ERG: variants seen among roughly 807,000 people sequenced by gnomAD.
The protein encoded by ERG is ETS transcription factor ERG, also known as transcriptional regulator ERG.
Under a neutral mutation model 55.3 loss-of-function variants are expected in ERG, and 9 were observed. The ratio of observed to expected loss-of-function variants is 0.16; its 90% CI spans 0.10 to 0.28. The LOEUF (loss-of-function observed/expected upper bound fraction) is 0.28. ERG is among the 10% of genes least tolerant of loss of function. The pLI is 1.00. For missense variants in ERG, 434 were observed against 631.6 expected (o/e 0.69, Z 3.35); for synonymous variants, 223 against 237.3 (o/e 0.94, Z 0.55).
At chr21:38,406,904 G>C (rs116371868) in intron 3 of ERG, among the ~76,000 whole-genome samples, 1 of 152,202 alleles carries the variant, frequency 6.6e-6, no homozygotes, top group East Asian at 1.9e-4. Context: ...TTTCCTTTAA[G>C]GGAATCAGGT....
At chr21:38,594,286 C>T (rs1322068293) in intron 1 of ERG, among the ~76,000 whole-genome samples, 1 of 152,118 alleles carries the variant, frequency 6.6e-6, no homozygotes, top group Non-Finnish European at 1.5e-5. Context: ...AAAAATCATC[C>T]TTCATATTTA....
At chr21:38,534,736 T>C (rs1021048700) in intron 2 of ERG, among the ~76,000 whole-genome samples, 1 of 152,074 alleles carries the variant, frequency 6.6e-6, no homozygotes, top group Non-Finnish European at 1.5e-5. Context: ...TTCAAAAAAA[T>C]TTAAAGCAGG....
At chr21:38,441,449 C>A (rs1172863442) in intron 2 of ERG, among the ~76,000 whole-genome samples, 1 of 152,200 alleles carries the variant, frequency 6.6e-6, no homozygotes, top group African/African-American at 2.4e-5. Flanking sequence ...CTGCCAGCCT[C>A]CCCTGCAGAT....
At chr21:38,490,094 C>T (rs2059322253) in intron 1 of ERG, among the ~76,000 whole-genome samples, 1 of 152,212 alleles carries the variant, frequency 6.6e-6, no homozygotes, top group South Asian at 2.1e-4. Flanking sequence ...TTTAAGCAAT[C>T]TCCAATGCAG....
chr21:38,505,682 G>A (rs1345882625), intron 2 of ERG, among the ~76,000 whole-genome samples: 1 of 152,142 alleles, frequency 6.6e-6, no homozygotes, highest in Non-Finnish European at 1.5e-5. Context: ...TTCCCACTGC[G>A]CGGTTGCCTG....
At chr21:38,610,025 C>T (rs1301067589) in intron 1 of ERG, among the ~76,000 whole-genome samples, 1 of 152,224 alleles carries the variant, frequency 6.6e-6, no homozygotes, top group Non-Finnish European at 1.5e-5. Context: ...GCTTCTGCTC[C>T]TCTGAGCACC....
intron 1 of ERG, among the ~76,000 whole-genome samples, chr21:38,607,610 G>T (rs2146922835): frequency 6.6e-6 from 1 of 152,204 alleles, no homozygotes; most frequent in Admixed American, 6.5e-5. Context: ...CTGCACTCCA[G>T]CCTGGGCGAC....
At chr21:38,540,212 A>G (rs2059742608) in intron 2 of ERG, among the ~76,000 whole-genome samples, 1 of 152,156 alleles carries the variant, frequency 6.6e-6, no homozygotes, top group South Asian at 2.1e-4. Flanking sequence ...AAAAATATTC[A>G]AACATATTTG....
chr21:38,633,512 T>A (rs1267806307), intron 1 of ERG, among the ~76,000 whole-genome samples: 1 of 152,208 alleles, frequency 6.6e-6, no homozygotes, highest in Non-Finnish European at 1.5e-5. Flanking sequence ...TTCTCAAATG[T>A]CATCGTTATC....
upstream of ERG, among the ~76,000 whole-genome samples, chr21:38,502,012 A>G (rs2059424782): frequency 6.6e-6 from 1 of 152,194 alleles, no homozygotes; most frequent in African/African-American, 2.4e-5. Flanking sequence ...CTCTGTATGG[A>G]ATATGGGGAG....
At chr21:38,476,076 AG>A (rs1221375296) in intron 1 of ERG, among the ~76,000 whole-genome samples, 1 of 152,216 alleles carries the variant, frequency 6.6e-6, no homozygotes, top group African/African-American at 2.4e-5. Context: ...GAAATTAAAG[AG>A]AAGCCTGACG....
chr21:38,592,720 CAG>C (rs1473795453), intron 1 of ERG, among the ~76,000 whole-genome samples: 1 of 152,140 alleles, frequency 6.6e-6, no homozygotes, highest in Non-Finnish European at 1.5e-5. Context: ...CTCTAAGTCA[CAG>C]AGAAATGTTG....
At chr21:38,582,415 G>A (rs991470357) in intron 1 of ERG, among the ~76,000 whole-genome samples, 1 of 152,106 alleles carries the variant, frequency 6.6e-6, no homozygotes, top group Non-Finnish European at 1.5e-5. Flanking sequence ...TGAATGACTG[G>A]TTGGTACTGG....
chr21:38,414,803 A>T (rs759999353), intron 3 of ERG, among the ~76,000 whole-genome samples: 102 of 138,578 alleles, frequency 7.4e-4, no homozygotes, highest in Non-Finnish European at 1.4e-3. Flanking sequence ...CCAAACTGAA[A>T]TCACCTATTT....
At chr21:38,599,546 C>T (rs1221466363) in intron 1 of ERG, among the ~76,000 whole-genome samples, 2 of 152,316 alleles carry the variant, frequency 1.3e-5, no homozygotes, top group East Asian at 3.9e-4. Flanking sequence ...CCCTGGAGAA[C>T]CAGAGGCAGA....
At chr21:38,436,156 G>T (rs2058787534) in intron 2 of ERG, among the ~76,000 whole-genome samples, 1 of 139,980 alleles carries the variant, frequency 7.1e-6, no homozygotes, top group African/African-American at 2.5e-5. Context: ...GGGATTATAG[G>T]CACCTGGCTA....
intron 3 of ERG, among the ~76,000 whole-genome samples, chr21:38,405,253 G>A (rs544986766): frequency 2.0e-4 from 30 of 152,262 alleles, no homozygotes; most frequent in African/African-American, 6.3e-4. Context: ...AACGATATAT[G>A]ATTTGCTATT....
chr21:38,543,366 A>T (rs530146512), intron 2 of ERG, among the ~76,000 whole-genome samples: 2 of 147,324 alleles, frequency 1.4e-5, no homozygotes, highest in Admixed American at 6.7e-5. Context: ...TTTTTTTTTA[A>T]AAAAAAAGCA....
chr21:38,413,393 A>C (rs1989145654), intron 3 of ERG, among the ~76,000 whole-genome samples: 1 of 152,168 alleles, frequency 6.6e-6, no homozygotes, highest in Non-Finnish European at 1.5e-5. Flanking sequence ...TACTTTGAAT[A>C]GTTTTCATTT....
Sources: allele counts gnomAD v4.1 joint callset (sites outside exome capture counted in the v4.1 genomes callset), GRCh38; gene constraint gnomAD v4.1.1; transcripts MANE v1.5; gene names NCBI Gene and HGNC (gene_info 2026-07-23, HGNC 2026-07-21).